CFAP54: variants seen among roughly 807,000 people sequenced by gnomAD.
CFAP54 encodes the protein cilia and flagella associated protein 54, also known as cilia- and flagella-associated protein 54.
Under a neutral mutation model 370.4 loss-of-function variants are expected in CFAP54, and 290 were observed. That is an observed-to-expected ratio of 0.78 (90% CI 0.71 to 0.86). CFAP54 has a LOEUF of 0.86. Ranked by LOEUF, CFAP54 falls within the 40% of genes least tolerant of loss-of-function variation. The pLI is 0.00. For synonymous variants in CFAP54, 1,206 were observed against 1,236.5 expected (o/e 0.98, Z 0.52); for missense variants, 3,399 against 3,528.7 (o/e 0.96, Z 0.93).
rs193222935 is a variant in CFAP54, at chr12:96,611,486, C to T, written c.3640-10104C>T. On this transcript the variant is annotated intron_variant, in intron 26 of 67. Transcript: ENST00000524981. ...ATTCTAAAAATCAGAGTGGCTCTCTCCCTCCAAAGGAATGCAGCTCCTCAC... is the reference window on the plus strand; with the variant it reads ...ATTCTAAAAATCAGAGTGGCTCTCTTCCTCCAAAGGAATGCAGCTCCTCAC... Among the ~76,000 whole-genome samples, 333 of 152,316 alleles carry T rather than the reference C, an allele frequency of 2.2e-3. 5 individuals carry two copies. Among genetic ancestry groups the T allele is most frequent in the Non-Finnish European group, 7.2e-4 (49 of 68,038 alleles).
At chr12:96,834,269 G>C (rs1451113780) in intron 66 of CFAP54, among the ~76,000 whole-genome samples, 2 of 152,252 alleles carry the variant, frequency 1.3e-5, no homozygotes, top group Non-Finnish European at 2.9e-5. Context: ...GAGGCTGTTA[G>C]TGTTATGGGA....
chr12:96,553,829 G>T (rs1347861724), intron 15 of CFAP54, among the ~76,000 whole-genome samples: 2 of 151,692 alleles, frequency 1.3e-5, no homozygotes, highest in African/African-American at 4.8e-5. Context: ...TTTCAAATTA[G>T]GTATATGAAA....
At chr12:96,620,028 A>C (rs1956468757) in intron 26 of CFAP54, among the ~76,000 whole-genome samples, 1 of 152,134 alleles carries the variant, frequency 6.6e-6, no homozygotes, top group Admixed American at 6.5e-5. Flanking sequence ...TTTTAAAAAA[A>C]CTCACAAAAT....
At chr12:96,725,415 A>G (rs1335514734) in intron 50 of CFAP54, among the ~76,000 whole-genome samples, 7 of 151,934 alleles carry the variant, frequency 4.6e-5, no homozygotes, top group African/African-American at 1.7e-4. Context: ...TGGATTCCTA[A>G]GTATTTTATT....
chr12:96,873,828 T>C (rs898709275), intron 67 of CFAP54, among the ~76,000 whole-genome samples: 2 of 152,152 alleles, frequency 1.3e-5, no homozygotes, highest in Admixed American at 6.5e-5. Context: ...ACCATAAAAA[T>C]ATGAAATTAT....
intron 23 of CFAP54, among the ~76,000 whole-genome samples, 176 bp from the exon 24 acceptor site, chr12:96,592,314 T>G (rs1419747866): frequency 6.6e-6 from 1 of 152,206 alleles, no homozygotes; most frequent in Non-Finnish European, 1.5e-5. Flanking sequence ...GACATAATAT[T>G]TCAGTAGTTT....
intron 26 of CFAP54, among the ~76,000 whole-genome samples, chr12:96,608,308 TACACACACAC>T (rs5800256): frequency 3.8e-4 from 57 of 150,792 alleles, no homozygotes; most frequent in African/African-American, 1.4e-3. Context: ...CATATATATA[TACACACACAC>T]ACACACACAC....
chr12:96,554,911 T>G, intron 17 of CFAP54, 109 bp downstream of exon 17: 1 of 1,116,060 alleles, frequency 9.0e-7, no homozygotes, highest in Non-Finnish European at 1.2e-6. Context: ...AGTTTTCAGA[T>G]AAATTTCATT....
At chr12:96,548,060 T>C (rs2136394624) in intron 15 of CFAP54, 82 bp downstream of exon 15, 2 of 563,814 alleles carry the variant, frequency 3.5e-6, no homozygotes, top group South Asian at 2.9e-5. Flanking sequence ...TGCATAATGG[T>C]TAATTGTAGA....
At chr12:96,778,052 G>C (rs1262336181) in intron 60 of CFAP54, among the ~76,000 whole-genome samples, 2 of 152,204 alleles carry the variant, frequency 1.3e-5, no homozygotes, top group Non-Finnish European at 2.9e-5. Flanking sequence ...ATGCTTCTTT[G>C]AAAAGTTTTG....
At chr12:96,547,798 C>T (rs1439549441) in intron 14 of CFAP54, 104 bp from the exon 15 acceptor site, 2 of 466,946 alleles carry the variant, frequency 4.3e-6, no homozygotes, top group Non-Finnish European at 7.4e-6. Flanking sequence ...TTCCTCCTCA[C>T]TCTTGCCCTG....
At chr12:96,658,604 G>C (rs11108622) in intron 38 of CFAP54, among the ~76,000 whole-genome samples, 14,632 of 151,660 alleles carry the variant, frequency 0.096, 858 homozygotes, top group South Asian at 0.24. Context: ...ATGGTGTCTA[G>C]AGCCCAGAGT....
intron 51 of CFAP54, among the ~76,000 whole-genome samples, chr12:96,741,182 T>C (rs1958046908): frequency 6.6e-6 from 1 of 152,234 alleles, no homozygotes. Context: ...TTGGTTTTTT[T>C]TTGAGACGGA....
At chr12:96,583,516 G>A (rs566919942) in intron 22 of CFAP54, among the ~76,000 whole-genome samples, 14 of 152,200 alleles carry the variant, frequency 9.2e-5, no homozygotes, top group South Asian at 2.1e-4. Context: ...GAGGAATATC[G>A]TTTATTTAAG....
intron 60 of CFAP54, among the ~76,000 whole-genome samples, chr12:96,773,695 C>T (rs1958486716): frequency 6.6e-6 from 1 of 151,822 alleles, no homozygotes; most frequent in African/African-American, 2.4e-5. Flanking sequence ...ATCACATAAG[C>T]AGCTTTTTTA....
intron 60 of CFAP54, among the ~76,000 whole-genome samples, chr12:96,775,047 T>G (rs2136682948): frequency 6.6e-6 from 1 of 152,286 alleles, no homozygotes; most frequent in South Asian, 2.1e-4. Flanking sequence ...GTCTTTATGG[T>G]CTCTGCTGAA....
chr12:96,826,721 G>A (rs1959112272), intron 65 of CFAP54, among the ~76,000 whole-genome samples: 4 of 103,062 alleles, frequency 3.9e-5, no homozygotes, highest in South Asian at 5.7e-4. Flanking sequence ...ATATACAACA[G>A]AATATATTAT....
At chr12:96,700,527 A>C (rs1343980918) in intron 46 of CFAP54, among the ~76,000 whole-genome samples, 1 of 152,152 alleles carries the variant, frequency 6.6e-6, no homozygotes, top group African/African-American at 2.4e-5. Flanking sequence ...AATGTGTTCA[A>C]ATTTCTTCTG....
chr12:96,522,206 C>G lies in CFAP54; in HGVS notation c.1158+17C>G. ...GTACAAACTGTAAGTCTAAACATGT[C>G]TTCTCTCTTTAAGACTCTTTTTGCA... On this transcript the variant is annotated intron_variant, in intron 8 of 67. Coordinates refer to ENST00000524981, the MANE Select transcript of CFAP54 (RefSeq NM_001306084.2). The G allele has an allele frequency of 6.8e-7, 1 of 1,460,108 alleles. No individual in the cohort carries two copies. Among genetic ancestry groups the G allele is most frequent in the Non-Finnish European group, 9.2e-7 (1 of 1,085,964 alleles). 90.4% of individuals were successfully genotyped at this position (1,460,108 alleles called of 1,614,324 possible).
Sources: gnomAD v4.1 joint callset for allele counts (sites outside exome capture counted in the v4.1 genomes callset) on GRCh38, gnomAD v4.1.1 for gene constraint, MANE v1.5 for transcripts, NCBI Gene and HGNC (gene_info 2026-07-23, HGNC 2026-07-21) for gene names.